Variants in DCAKD observed in about 807,000 individuals in gnomAD.
DCAKD encodes dephospho-CoA kinase domain-containing protein.
A neutral mutation model predicts 18.7 loss-of-function variants in DCAKD; 15 were observed. The observed-to-expected ratio is 0.80, with a 90% CI of 0.54 to 1.24. DCAKD has a LOEUF of 1.24. DCAKD is among the 50% of genes most tolerant of loss of function. The pLI, the probability that DCAKD is intolerant of heterozygous loss-of-function variation, is 0.00. For synonymous variants in DCAKD, 130 were observed against 133.0 expected (o/e 0.98, Z 0.16); for missense variants, 301 against 322.0 (o/e 0.93, Z 0.50).
At chr17:45,052,735 A>C (rs983837695), upstream of DCAKD, among the ~76,000 whole-genome samples, 1 of 150,702 alleles carries the variant, frequency 6.6e-6, no homozygotes, top group East Asian at 1.9e-4. Flanking sequence ...AGGCATGGTG[A>C]CAGTGTGGTC....
chr17:45,049,713 CTTTT>C (rs57106886), intron 1 of DCAKD, among the ~76,000 whole-genome samples: 256 of 111,882 alleles, frequency 2.3e-3, no homozygotes, highest in Middle Eastern at 0.013. Flanking sequence ...TTTTCTTTTC[CTTTT>C]TTTTTTTTTT....
intron 3 of DCAKD, chr17:45,032,219 G>T: frequency 1.4e-6 from 1 of 690,150 alleles, no homozygotes; most frequent in Non-Finnish European, 1.8e-6. Flanking sequence ...ATAGGAGGCA[G>T]CACAAAGAGT....
At chr17:45,058,379 C>T (rs1312112327) in intron 1 of DCAKD, among the ~76,000 whole-genome samples, 2 of 152,000 alleles carry the variant, frequency 1.3e-5, no homozygotes, top group Non-Finnish European at 2.9e-5. Flanking sequence ...TATTGTAATC[C>T]CAAAGTGCTG....
intron 1 of DCAKD, among the ~76,000 whole-genome samples, chr17:45,037,798 A>C (rs1597960717): frequency 9.4e-6 from 1 of 106,682 alleles, no homozygotes; most frequent in African/African-American, 3.8e-5. Context: ...ACAGAGTCTC[A>C]CTCTGTTGCC....
chr17:45,024,988 G>C (rs1200198635), intron 4 of DCAKD, among the ~76,000 whole-genome samples: 3 of 151,572 alleles, frequency 2.0e-5, no homozygotes, highest in African/African-American at 7.3e-5. Flanking sequence ...TACAAACAAG[G>C]GGGGAACTTT....
exon 1 of DCAKD, chr17:45,060,951 AG>A: frequency 1.1e-6 from 1 of 925,156 alleles, no homozygotes; most frequent in Non-Finnish European, 1.3e-6. Flanking sequence ...GGCACTGGCA[AG>A]GGCAGGCTGA....
chr17:45,039,790 T>C (rs1174402527), intron 1 of DCAKD, among the ~76,000 whole-genome samples: 1 of 152,234 alleles, frequency 6.6e-6, no homozygotes. Flanking sequence ...TCCCCTTCAG[T>C]GGTTCAGAGC....
chr17:45,048,680 C>T (rs2053625745), intron 1 of DCAKD, among the ~76,000 whole-genome samples: 1 of 151,558 alleles, frequency 6.6e-6, no homozygotes, highest in Non-Finnish European at 1.5e-5. Flanking sequence ...GTGGCATGCA[C>T]CTGTAATCCC....
At position 45,023,684 on chromosome 17, in the gene DCAKD, GCA is replaced by G. The variant is rs2052989196; in HGVS notation, c.*747_*748del. Reference sequence around the variant, plus strand: ...CCAGGCCAGGAGCAGCAGGTTGAAGGCACAGAGGCAAGAAACAGCAAGGATGG... The same window carrying G: ...CCAGGCCAGGAGCAGCAGGTTGAAGGCAGAGGCAAGAAACAGCAAGGATGG... On this transcript the variant is annotated 3_prime_UTR_variant, in exon 5 of 5. Transcript: ENST00000651974. 1.3e-5 allele frequency: 2 copies of G among 151,712 alleles called. No individual in the cohort carries two copies. Among genetic ancestry groups the G allele is most frequent in the Non-Finnish European group, 2.9e-5 (2 of 67,950 alleles). 9.4% of individuals were successfully genotyped at this position (151,712 alleles called of 1,614,324 possible).
intron 1 of DCAKD, among the ~76,000 whole-genome samples, chr17:45,058,966 C>T (rs564734229): frequency 7.2e-5 from 11 of 152,170 alleles, no homozygotes; most frequent in African/African-American, 2.4e-4. Flanking sequence ...GTTGGCCGGG[C>T]GCGGTGGCTC....
At chr17:45,030,492 C>T (rs1396385241) in intron 3 of DCAKD, among the ~76,000 whole-genome samples, 3 of 152,220 alleles carry the variant, frequency 2.0e-5, no homozygotes, top group Non-Finnish European at 2.9e-5. Flanking sequence ...AGAACCACCA[C>T]AGCACAGGGA....
upstream of DCAKD, among the ~76,000 whole-genome samples, chr17:45,056,525 G>T (rs1000242322): frequency 6.6e-6 from 1 of 152,032 alleles, no homozygotes; most frequent in Non-Finnish European, 1.5e-5. Context: ...CCAGGTTGGA[G>T]TGCAATGGTG....
intron 1 of DCAKD, among the ~76,000 whole-genome samples, chr17:45,057,440 T>C (rs145610444): frequency 0.21 from 31,254 of 151,242 alleles, 3,583 homozygotes; most frequent in African/African-American, 0.28. Flanking sequence ...CAGTGGCTCA[T>C]GCCTGTAATC....
At chr17:45,039,870 A>G (rs141298600) in intron 1 of DCAKD, among the ~76,000 whole-genome samples, 2,812 of 152,374 alleles carry the variant, frequency 0.018, 60 homozygotes, top group South Asian at 0.07. Context: ...AGGTGGGCGG[A>G]TCACTTGAGG....
chr17:45,055,850 C>A (rs1010276320), upstream of DCAKD, among the ~76,000 whole-genome samples: 1 of 152,070 alleles, frequency 6.6e-6, no homozygotes, highest in African/African-American at 2.4e-5. Context: ...CTTCGTAGGT[C>A]CACCAGAAGA....
intron 4 of DCAKD, among the ~76,000 whole-genome samples, chr17:45,027,868 C>T (rs925421715): frequency 1.3e-5 from 2 of 151,402 alleles, no homozygotes; most frequent in Non-Finnish European, 2.9e-5. Flanking sequence ...CGCCTGTAAT[C>T]CCAGCTAATC....
exon 1 of DCAKD, chr17:45,060,953 G>C: frequency 3.2e-6 from 3 of 947,748 alleles, no homozygotes; most frequent in Non-Finnish European, 3.8e-6. Flanking sequence ...CACTGGCAAG[G>C]GCAGGCTGAA....
At chr17:45,058,244 G>A (rs571981408) in intron 1 of DCAKD, among the ~76,000 whole-genome samples, 1 of 152,222 alleles carries the variant, frequency 6.6e-6, no homozygotes, top group African/African-American at 2.4e-5. Context: ...GAATCCAGGA[G>A]GCAGAGGTTG....
chr17:45,048,781 G>C (rs1195264051), intron 1 of DCAKD, among the ~76,000 whole-genome samples: 1 of 152,092 alleles, frequency 6.6e-6, no homozygotes, highest in East Asian at 1.9e-4. Context: ...ACTCCAGCCT[G>C]GGTGACAGAG....
Sources: gnomAD v4.1 joint callset for allele counts (sites outside exome capture counted in the v4.1 genomes callset) on GRCh38, gnomAD v4.1.1 for gene constraint, MANE v1.5 for transcripts, NCBI Gene and HGNC (gene_info 2026-07-23, HGNC 2026-07-21) for gene names.